Variants in KHNYN observed in about 807,000 individuals in gnomAD.
KHNYN encodes KH and NYN domain containing.
KHNYN carries 42 observed loss-of-function variants against 62.7 expected under a neutral mutation model. That is an observed-to-expected ratio of 0.67 (90% CI 0.52 to 0.87). The LOEUF (loss-of-function observed/expected upper bound fraction) is 0.87. KHNYN is among the 40% of genes least tolerant of loss of function. KHNYN has a pLI of 0.00. For synonymous variants in KHNYN, 347 were observed against 345.6 expected (o/e 1.00, Z -0.04); for missense variants, 829 against 874.1 (o/e 0.95, Z 0.65).
In KHNYN at chr14:24,440,491, C is replaced by A. The variant is rs954147244; in HGVS notation, c.*3206C>A. ...CACCACCCCCACGGCCCAGCACAAC[C>A]CCTAGAGCAGGAAAGAGGGAAGGTA... On this transcript the variant is annotated 3_prime_UTR_variant, in exon 8 of 8. Transcript: ENST00000553935. 1.2e-6 allele frequency: 2 copies of A among 1,602,028 alleles called. No individual in the cohort carries two copies. Among genetic ancestry groups the A allele is most frequent in the East Asian group, 4.5e-5 (2 of 44,232 alleles).
At chr14:24,435,908 T>C in intron 5 of KHNYN, 164 bp from the exon 6 acceptor site, 2 of 629,522 alleles carry the variant, frequency 3.2e-6, no homozygotes, top group South Asian at 3.9e-5. Flanking sequence ...GGTTTTTACT[T>C]TTATTTTTGT....
upstream of KHNYN, chr14:24,428,777 C>G: frequency 6.2e-7 from 1 of 1,601,310 alleles, no homozygotes; most frequent in Non-Finnish European, 8.5e-7. Flanking sequence ...GATGGCCCCA[C>G]TGGTGCCATT....
chr14:24,431,146 C>T (rs1397720047), intron 2 of KHNYN, among the ~76,000 whole-genome samples: 1 of 152,178 alleles, frequency 6.6e-6, no homozygotes, highest in Non-Finnish European at 1.5e-5. Context: ...TCTGTGATGG[C>T]CCAGGCTGGC....
In KHNYN at chr14:24,440,678, CATCCT is replaced by C; in HGVS notation, c.*3394_*3398del. On this transcript the variant is annotated 3_prime_UTR_variant, in exon 8 of 8. Coordinates refer to ENST00000553935, the MANE Select transcript of KHNYN (RefSeq NM_015299.3). ...TCTGCAGGTTGGCTAGAAGTGGTGG[CATCCT>C]CTCACTCTGTAATTGTAATCTCAGC... The C allele has an allele frequency of 5.5e-6, 8 of 1,454,022 alleles. No individual in the cohort carries two copies. In the South Asian group the frequency reaches 1.0e-4, roughly 18 times the overall value. The allele number at this position is 1,454,022 out of a possible 1,614,324, so 90.1% of individuals were successfully genotyped here. A position where few individuals can be genotyped will look rare whatever the true frequency, so the allele number is the denominator to read the frequency against.
In KHNYN at chr14:24,436,484, A is replaced by G; in HGVS notation, c.1782A>G (p.Pro594=). 8 of 1,611,942 alleles carry G rather than the reference A, an allele frequency of 5.0e-6. No homozygotes were observed. The highest frequency in any genetic ancestry group is 5.1e-6 in the Non-Finnish European group (6 of 1,178,926). Residue 594 remains proline, a synonymous_variant, in exon 7 of 8, where the codon CCA becomes CCG. Transcript: ENST00000553935. ...GPTLDEFLKK[P]ARTQGSSKAQ... is the part of the protein sequence containing the mutation. ...CCCTGGATGAATTTCTGAAGAAGCC[A>G]GCCAGGTAATCAATCCCCTAGACTA...
upstream of KHNYN, chr14:24,429,596 T>A: frequency 1.2e-5 from 10 of 853,504 alleles, no homozygotes; most frequent in Non-Finnish European, 1.6e-5. Flanking sequence ...GCCTCCCGCC[T>A]CCCGCCTACC....
At chr14:24,436,923 G>C in intron 7 of KHNYN, 113 bp from the exon 8 acceptor site, 1 of 1,403,238 alleles carries the variant, frequency 7.1e-7, no homozygotes, top group Admixed American at 2.2e-5. Context: ...GGAACTTCAG[G>C]ATTTCTCCCC....
At chr14:24,426,233 C>G (rs980087281), upstream of KHNYN, among the ~76,000 whole-genome samples, 2 of 152,140 alleles carry the variant, frequency 1.3e-5, no homozygotes, top group Non-Finnish European at 2.9e-5. Context: ...TAAATTGATT[C>G]CTTTGCCTTT....
At position 24,439,794 on chromosome 14, in the gene KHNYN, A is replaced by G. The variant is rs1001776218; in HGVS notation, c.*2509A>G. 1.4e-5 allele frequency: 4 copies of G among 295,366 alleles called. No individual in the cohort carries two copies. Among genetic ancestry groups the G allele is most frequent in the African/African-American group, 8.7e-5 (4 of 46,180 alleles). The allele number at this position is 295,366 out of a possible 1,614,324, so 18.3% of individuals were successfully genotyped here. A position where few individuals can be genotyped will look rare whatever the true frequency, so the allele number is the denominator to read the frequency against. ...GTGAGACAATTTATTTTTATTGCCT[A>G]AACTGCAGAGCATTCTCTACACAGC... On this transcript the variant is annotated 3_prime_UTR_variant, in exon 8 of 8. Transcript: ENST00000553935.
Position 24,437,319 on chromosome 14 carries a change from G to T in KHNYN, c.*34G>T. On this transcript the variant is annotated 3_prime_UTR_variant, in exon 8 of 8. Coordinates refer to ENST00000553935, the MANE Select transcript of KHNYN (RefSeq NM_015299.3). The surrounding 1 kb of genome is among the most constrained non-coding windows in gnomAD (Gnocchi z 5.5). ...TGCTTGAGTGGCTGCCGCCCTGTCA[G>T]CTCCAGCCGCCTCCAGCTCAGCCCT... is the stretch of plus-strand genomic sequence containing the variant. The T allele has an allele frequency of 6.3e-7, 1 of 1,586,986 alleles. No homozygotes were observed.
In KHNYN at chr14:24,440,627, T is replaced by C. The variant is rs2043305212; in HGVS notation, c.*3342T>C. ...CTGTAACAGAAGTGAGCAGTATGGC[T>C]GTCTTTAAGACCTCACACCTTCTCA... On this transcript the variant is annotated 3_prime_UTR_variant, in exon 8 of 8. Transcript: ENST00000553935. The C allele has an allele frequency of 7.4e-7, 1 of 1,351,746 alleles. No homozygotes were observed. Among genetic ancestry groups the C allele is most frequent in the Non-Finnish European group, 1.0e-6 (1 of 974,754 alleles). 83.7% of individuals were successfully genotyped at this position (1,351,746 alleles called of 1,614,324 possible). A position where few individuals can be genotyped will look rare whatever the true frequency, so the allele number is the denominator to read the frequency against.
In KHNYN at chr14:24,439,662, GC is replaced by G. The variant is rs1940029902; in HGVS notation, c.*2378del. On this transcript the variant is annotated 3_prime_UTR_variant, in exon 8 of 8. Transcript: ENST00000553935. ...AAGGGAAACGGTGATGAGAGAGACT[GC>G]TCATTGTAACTTTCAAAACCCCGTC... 6.3e-6 allele frequency: 1 copy of G among 157,930 alleles called. No homozygotes were observed. The highest frequency in any genetic ancestry group is 1.4e-5 in the Non-Finnish European group (1 of 72,116). The allele number at this position is 157,930 out of a possible 1,614,324, so 9.8% of individuals were successfully genotyped here. A position where few individuals can be genotyped will look rare whatever the true frequency, so the allele number is the denominator to read the frequency against.
upstream of KHNYN, chr14:24,427,807 G>A (rs771185018): frequency 1.5e-5 from 25 of 1,614,110 alleles, no homozygotes; most frequent in Middle Eastern, 8.3e-4. The surrounding 1 kb of genome is among the most constrained non-coding windows in gnomAD (Gnocchi z 4.4). Flanking sequence ...GGAAGATGAG[G>A]AAGCCAGAGA....
upstream of KHNYN, chr14:24,429,879 G>C: frequency 9.9e-7 from 1 of 1,012,634 alleles, no homozygotes; most frequent in Non-Finnish European, 1.2e-6. Flanking sequence ...GCGCGGCGGC[G>C]GGGTTGGGAG....
Position 24,440,736 on chromosome 14 carries a change from C to T in KHNYN, c.*3451C>T, listed in dbSNP as rs768887215. Reference sequence around the variant, plus strand: ...TCCTAATCCCATCACTTCCCCAGCCCAGAGAAGACATTCCAACCCTGTCTG... The same window carrying T: ...TCCTAATCCCATCACTTCCCCAGCCTAGAGAAGACATTCCAACCCTGTCTG... On this transcript the variant is annotated 3_prime_UTR_variant, in exon 8 of 8. Coordinates refer to ENST00000553935, the MANE Select transcript of KHNYN (RefSeq NM_015299.3). The T allele has an allele frequency of 2.5e-6, 4 of 1,599,274 alleles. No individual in the cohort carries two copies. Among genetic ancestry groups the T allele is most frequent in the Non-Finnish European group, 3.4e-6 (4 of 1,170,568 alleles).
In KHNYN at chr14:24,441,602, G is replaced by A. The variant is rs2043339876; in HGVS notation, c.*4317G>A. 7.6e-7 allele frequency: 1 copy of A among 1,308,012 alleles called. No individual in the cohort carries two copies. The highest frequency in any genetic ancestry group is 1.1e-6 in the Non-Finnish European group (1 of 943,612). 81.0% of individuals were successfully genotyped at this position (1,308,012 alleles called of 1,614,324 possible). On this transcript the variant is annotated 3_prime_UTR_variant, in exon 8 of 8. Transcript: ENST00000553935. ...GGAAAAGACCAGTGCTCTGGTGTGT[G>A]CATAGCTACAGAGGTCTGAGTTACC...
chr14:24,431,029 C>A, intron 2 of KHNYN, 98 bp downstream of exon 2: 2 of 1,151,856 alleles, frequency 1.7e-6, no homozygotes, highest in Admixed American at 2.7e-5. Context: ...GAGGAGGGGC[C>A]TGGGGAGGAT....
In KHNYN at chr14:24,440,627, TG is replaced by T; in HGVS notation, c.*3343del. The stretch of plus-strand genomic sequence containing the variant: ...CTGTAACAGAAGTGAGCAGTATGGC[TG>T]TCTTTAAGACCTCACACCTTCTCAT... On this transcript the variant is annotated 3_prime_UTR_variant, in exon 8 of 8. Coordinates refer to ENST00000553935, the MANE Select transcript of KHNYN (RefSeq NM_015299.3). The T allele has an allele frequency of 7.4e-7, 1 of 1,351,746 alleles. No homozygotes were observed. The highest frequency in any genetic ancestry group is 1.5e-5 in the African/African-American group (1 of 68,694). The allele number at this position is 1,351,746 out of a possible 1,614,324, so 83.7% of individuals were successfully genotyped here.
Position 24,431,983 on chromosome 14 carries a change from G to C in KHNYN, c.722G>C (p.Gly241Ala). The change falls in exon 3 of 8, where the codon GGA becomes GCA. Residue 241 changes from glycine (G) to alanine (A), a missense_variant. By Grantham distance (60) the Gly-to-Ala change is moderately conservative. Coordinates refer to ENST00000553935, the MANE Select transcript of KHNYN (RefSeq NM_015299.3). Reference protein sequence around the residue: ...GRESLDTGSMGPGDCRGARGD... With the variant: ...GRESLDTGSMAPGDCRGARGD... ...GAGTCCCTGGACACTGGATCTATGG[G>C]ACCCGGAGATTGCAGGGGAGCAAGG... 1.2e-6 allele frequency: 2 copies of C among 1,612,132 alleles called. No individual in the cohort carries two copies. Among genetic ancestry groups the C allele is most frequent in the Non-Finnish European group, 8.5e-7 (1 of 1,178,680 alleles).
Sources: gnomAD v4.1 joint callset for allele counts (sites outside exome capture counted in the v4.1 genomes callset) on GRCh38, gnomAD v4.1.1 for gene constraint, Gnocchi (gnomAD v3.1) non-coding constraint, MANE v1.5 for transcripts, NCBI Gene and HGNC (gene_info 2026-07-23, HGNC 2026-07-21) for gene names.